Variants in PDE10A observed in about 807,000 individuals in gnomAD.
PDE10A encodes phosphodiesterase 10A.
PDE10A carries 39 observed loss-of-function variants against 97.7 expected under a neutral mutation model. That is an observed-to-expected ratio of 0.40 (90% confidence interval 0.31 to 0.52). The LOEUF is 0.52. Ranked by LOEUF, PDE10A falls within the 20% of genes least tolerant of loss-of-function variation. PDE10A has a pLI of 0.56. For missense variants in PDE10A, 731 were observed against 1,047.8 expected, an observed-to-expected ratio of 0.70 and a Z score of 4.17; for synonymous variants, 371 against 376.8, an observed-to-expected ratio of 0.98 and a Z score of 0.18.
At chr6:165,897,774 C>G (rs1208321060) in intron 1 of PDE10A, among the ~76,000 whole-genome samples, 1 of 151,936 alleles carries the variant, frequency 6.6e-6, no homozygotes, top group East Asian at 1.9e-4. Context: ...TTTTCTCCCC[C>G]AATGAGATGC....
At chr6:165,974,004 G>A (rs757106665) in intron 1 of PDE10A, among the ~76,000 whole-genome samples, 3 of 152,140 alleles carry the variant, frequency 2.0e-5, no homozygotes, top group Non-Finnish European at 4.4e-5. Flanking sequence ...AGTACCATTT[G>A]AATCAGTCCA....
rs1583135467 is a variant in PDE10A at position 165,370,138 on chromosome 6, A to G, written c.2783+9056T>C. On this transcript the variant is annotated intron_variant, in intron 18 of 21. Coordinates refer to ENST00000539869, the MANE Select transcript of PDE10A (RefSeq NM_001385079.1). ...GCTGCAAAATCATGCCAAAATGTAA[A>G]GACCATCGAGACTAAGAAGAAACTG... Among the ~76,000 whole-genome samples the G allele has an allele frequency of 1.3e-5, 2 of 152,338 alleles. 1 individual carries two copies. The highest frequency in any genetic ancestry group is 4.2e-4 in the South Asian group (2 of 4,818).
chr6:165,629,017 T>G (rs1788511263), intron 1 of PDE10A, among the ~76,000 whole-genome samples: 1 of 150,562 alleles, frequency 6.6e-6, no homozygotes, highest in Non-Finnish European at 1.5e-5. Context: ...TTTTATGGGT[T>G]TTTTTTTTAA....
chr6:165,765,891 T>C (rs1450539638), intron 1 of PDE10A, among the ~76,000 whole-genome samples: 1 of 152,252 alleles, frequency 6.6e-6, no homozygotes, highest in Non-Finnish European at 1.5e-5. Context: ...CTTTGTCATA[T>C]TCCATCGCAA....
rs1789877019 is a variant in PDE10A, at chr6:165,655,154, T to A, written c.865+6793A>T. Among the ~76,000 whole-genome samples, 1 of 152,046 alleles carries A rather than the reference T, an allele frequency of 6.6e-6. No individual in the cohort carries two copies. The highest frequency in any genetic ancestry group is 2.4e-5 in the African/African-American group (1 of 41,388). On this transcript the variant is annotated intron_variant, in intron 1 of 21. Coordinates refer to ENST00000539869, the MANE Select transcript of PDE10A (RefSeq NM_001385079.1). This position sits in a 1 kb window ranked among gnomAD's most constrained non-coding sequence, Gnocchi z 4.5. The stretch of plus-strand genomic sequence containing the variant: ...AGCTATGGTTGATTAACCAACTCCG[T>A]CTGTATTTCCCTCAGAGTCAAAATG...
chr6:165,608,601 A>G (rs1349870788), intron 1 of PDE10A, among the ~76,000 whole-genome samples: 2 of 152,064 alleles, frequency 1.3e-5, no homozygotes, highest in Non-Finnish European at 2.9e-5. Flanking sequence ...TAGCAGCATG[A>G]TTTATAATCC....
chr6:165,392,715 A>G lies in PDE10A; in HGVS notation c.2385T>C (p.His795=), dbSNP rs771758110. ...ACATGCAGTGTGCTACAGTGACCGCATGCTTCCAGTTGTGATAAGGAACCC... is the reference window on the plus strand; with the variant it reads ...ACATGCAGTGTGCTACAGTGACCGCGTGCTTCCAGTTGTGATAAGGAACCC... ...YRRVPYHNWK[H]AVTVAHCMYA... Residue 795 remains histidine, a synonymous_variant, in exon 16 of 22, where the codon CAT becomes CAC. Transcript: ENST00000539869. The G allele has an allele frequency of 1.9e-6, 3 of 1,613,846 alleles. No homozygotes were observed. In the African/African-American group the frequency reaches 4.0e-5, roughly 22 times the overall value.
intron 3 of PDE10A, among the ~76,000 whole-genome samples, chr6:165,458,192 A>T (rs575252221): frequency 1.3e-5 from 2 of 152,132 alleles, no homozygotes; most frequent in East Asian, 1.9e-4. Flanking sequence ...TTACAGAAAA[A>T]TTTCGATATT....
At chr6:165,960,535 T>C (rs705794) in intron 1 of PDE10A, among the ~76,000 whole-genome samples, 80,068 of 152,040 alleles carry the variant, frequency 0.53, 23,385 homozygotes, top group East Asian at 0.84. Flanking sequence ...CATGTTGTCA[T>C]TAAATTTTAG....
At chr6:165,424,642 C>T (rs1788984864) in intron 10 of PDE10A, among the ~76,000 whole-genome samples, 1 of 152,026 alleles carries the variant, frequency 6.6e-6, no homozygotes, top group Non-Finnish European at 1.5e-5. Context: ...AATACCAGTA[C>T]TATCCAAAGA....
intron 5 of PDE10A, among the ~76,000 whole-genome samples, chr6:165,437,281 A>G (rs1401694682): frequency 6.6e-6 from 1 of 152,148 alleles, no homozygotes; most frequent in Non-Finnish European, 1.5e-5. Flanking sequence ...GCTGAATTTA[A>G]TCACATGTTT....
rs375478464 is a variant in PDE10A at position 165,543,266 on chromosome 6, G to C, written c.994+174C>G. ...TTAATTAGTCACGGATCTTTCTTTT[G>C]TATTTATTTCTTCTCTAACTTACTT... On this transcript the variant is annotated intron_variant, in intron 2 of 21. Coordinates refer to ENST00000539869, the MANE Select transcript of PDE10A (RefSeq NM_001385079.1). 3.2e-4 allele frequency among the ~76,000 whole-genome samples: 48 copies of C among 152,000 alleles called. 2 individuals carry two copies. The South Asian group carries it at 9.8e-3, about 31-fold the overall frequency.
chr6:165,470,889 T>A (rs1280365289), intron 3 of PDE10A, among the ~76,000 whole-genome samples: 2 of 152,200 alleles, frequency 1.3e-5, no homozygotes, highest in Non-Finnish European at 2.9e-5. Flanking sequence ...CTGTCATTTA[T>A]CCCATATTTT....
chr6:165,861,479 G>T (rs1269458241), intron 1 of PDE10A, among the ~76,000 whole-genome samples: 1 of 151,912 alleles, frequency 6.6e-6, no homozygotes, highest in Non-Finnish European at 1.5e-5. Flanking sequence ...TCCAGGAGAG[G>T]AGGGTGTGGA....
At chr6:165,631,252 A>G (rs1052897165) in intron 1 of PDE10A, among the ~76,000 whole-genome samples, 2 of 151,908 alleles carry the variant, frequency 1.3e-5, no homozygotes, top group Admixed American at 6.5e-5. Context: ...ACTGATAACA[A>G]TTGCAAATGA....
intron 1 of PDE10A, among the ~76,000 whole-genome samples, chr6:165,833,383 C>A (rs1259030327): frequency 6.6e-6 from 1 of 152,186 alleles, no homozygotes; most frequent in East Asian, 1.9e-4. Context: ...GGTGGGAAGG[C>A]TAATCTCATA....
chr6:165,917,304 T>G (rs1782634118), intron 1 of PDE10A, among the ~76,000 whole-genome samples: 1 of 124,018 alleles, frequency 8.1e-6, no homozygotes, highest in Non-Finnish European at 1.8e-5. Flanking sequence ...GCGGTCTCAC[T>G]GCACCAAGAG....
At chr6:165,381,506 G>A (rs1228156343) in intron 17 of PDE10A, among the ~76,000 whole-genome samples, 4 of 151,922 alleles carry the variant, frequency 2.6e-5, no homozygotes, top group East Asian at 3.9e-4. Context: ...ACAGAGTCTC[G>A]CTCTGTCACC....
At chr6:165,586,881 A>G (rs1179354528) in intron 1 of PDE10A, among the ~76,000 whole-genome samples, 1 of 152,184 alleles carries the variant, frequency 6.6e-6, no homozygotes, top group Non-Finnish European at 1.5e-5. Context: ...TTGCCTTGAA[A>G]AAAAAATGCT....
Sources: allele counts gnomAD v4.1 joint callset (sites outside exome capture counted in the v4.1 genomes callset), GRCh38; gene constraint gnomAD v4.1.1; non-coding constraint Gnocchi (gnomAD v3.1); transcripts MANE v1.5; gene names NCBI Gene and HGNC (gene_info 2026-07-23, HGNC 2026-07-21).